Variants in SIDT1 observed in about 807,000 individuals in gnomAD.
SIDT1 encodes the protein SID1 transmembrane family member 1.
A neutral mutation model predicts 107.5 loss-of-function variants in SIDT1; 101 were observed. That is an observed-to-expected ratio of 0.94 (90% CI 0.80 to 1.11). SIDT1 has a LOEUF of 1.11. Ranked by LOEUF, SIDT1 falls within the 50% of genes least tolerant of loss-of-function variation. The probability of loss-of-function intolerance (pLI) is 0.00; values close to 1 mark genes in which losing one functional copy is unlikely to be tolerated. For synonymous variants in SIDT1, 395 were observed against 398.2 expected, an observed-to-expected ratio of 0.99 and a Z score of 0.10; for missense variants, 1,076 against 1,058.2, an observed-to-expected ratio of 1.02 and a Z score of -0.23.
chr3:113,608,459 T>G lies in SIDT1; in HGVS notation c.1643T>G (p.Met548Arg), dbSNP rs1945500148. Residue 548 changes from methionine to arginine, a missense_variant, in exon 17 of 25, where the codon ATG becomes AGG. Transcript: ENST00000264852. ...IPKHFGLFYA[M>R]GIALMMEGVL... Reference sequence around the variant, plus strand: ...AAACACTTTGGTCTCTTCTACGCTATGGGCATTGCATTGATGATGGAAGGG... The same window carrying G: ...AAACACTTTGGTCTCTTCTACGCTAGGGGCATTGCATTGATGATGGAAGGG... 1 of 1,614,150 alleles carries G rather than the reference T, an allele frequency of 6.2e-7. No homozygotes were observed. The highest frequency in any genetic ancestry group is 1.7e-5 in the Admixed American group (1 of 60,026).
chr3:113,578,735 GT>G (rs1452904676), intron 4 of SIDT1, among the ~76,000 whole-genome samples: 1 of 152,012 alleles, frequency 6.6e-6, no homozygotes, highest in Non-Finnish European at 1.5e-5. Flanking sequence ...TGCATCTGTA[GT>G]TTTGACTTCT....
chr3:113,578,229 G>A (rs1446153679), intron 4 of SIDT1, among the ~76,000 whole-genome samples: 4 of 152,202 alleles, frequency 2.6e-5, no homozygotes, highest in African/African-American at 9.7e-5. Context: ...ACTTTGGGAG[G>A]CTGAGGCGGG....
chr3:113,605,122 C>CTTTT, intron 14 of SIDT1, 146 bp downstream of exon 14: 3 of 306,986 alleles, frequency 9.8e-6, no homozygotes, highest in Non-Finnish European at 1.6e-5. Context: ...CTATTGCTTC[C>CTTTT]TCTTTTTTTT....
intron 5 of SIDT1, 125 bp downstream of exon 5, chr3:113,580,834 A>G (rs1943272470): frequency 3.0e-6 from 2 of 664,994 alleles, no homozygotes; most frequent in East Asian, 5.1e-5. Context: ...CTACTAAACA[A>G]TACGAACAGT....
intron 19 of SIDT1, among the ~76,000 whole-genome samples, chr3:113,613,605 A>G (rs1945904108): frequency 6.6e-6 from 1 of 152,248 alleles, no homozygotes; most frequent in African/African-American, 2.4e-5. Flanking sequence ...CCAGTTGTGT[A>G]GAACATTTGG....
intron 9 of SIDT1, among the ~76,000 whole-genome samples, chr3:113,590,684 A>G (rs1944082940): frequency 6.6e-6 from 1 of 152,248 alleles, no homozygotes; most frequent in South Asian, 2.1e-4. Context: ...CAATCCAAAA[A>G]TAAAATTAAG....
intron 1 of SIDT1, among the ~76,000 whole-genome samples, chr3:113,563,135 A>G (rs889082401): frequency 6.6e-5 from 10 of 152,214 alleles, no homozygotes; most frequent in African/African-American, 2.2e-4. Context: ...ACATGACAAG[A>G]CAGTGGATCT....
At chr3:113,609,364 C>G (rs2107714119) in intron 17 of SIDT1, among the ~76,000 whole-genome samples, 1 of 152,192 alleles carries the variant, frequency 6.6e-6, no homozygotes. Flanking sequence ...CCACACCCGG[C>G]CCCATGAGCC....
rs1441796551 is a variant in SIDT1 at position 113,603,082 on chromosome 3, T to C, written c.1195T>C (p.Ser399Pro). 5 of 1,613,926 alleles carry C rather than the reference T, an allele frequency of 3.1e-6. No homozygotes were observed. Among genetic ancestry groups the C allele is most frequent in the Non-Finnish European group, 4.2e-6 (5 of 1,179,986 alleles). ...ACCGGGCCAGTCAGACACAGACAGC[T>C]CCGTGGAGGAGAGCGACTTCGACAC... ...GPPGQSDTDS[S>P]VEESDFDTMP... The change falls in exon 12 of 25, where the codon TCC (serine) becomes CCC (proline). Residue 399 changes from serine to proline, a missense_variant. By Grantham distance (74) the Ser-to-Pro change is moderately conservative. Transcript: ENST00000264852.
chr3:113,556,212 G>T (rs1399404452), intron 1 of SIDT1, among the ~76,000 whole-genome samples: 2 of 152,192 alleles, frequency 1.3e-5, no homozygotes, highest in African/African-American at 4.8e-5. Context: ...ATGTACAGAA[G>T]ATAGTTTTAA....
At chr3:113,586,907 A>G (rs1444649954) in intron 9 of SIDT1, among the ~76,000 whole-genome samples, 1 of 152,250 alleles carries the variant, frequency 6.6e-6, no homozygotes, top group Admixed American at 6.5e-5. Flanking sequence ...AAGGAGACTA[A>G]AGATATGTTA....
At chr3:113,618,519 G>A (rs1423206041) in intron 20 of SIDT1, among the ~76,000 whole-genome samples, 2 of 152,210 alleles carry the variant, frequency 1.3e-5, no homozygotes, top group Non-Finnish European at 2.9e-5. Flanking sequence ...CCAAGTGGCT[G>A]TACCGTTTTG....
At chr3:113,582,790 A>T (rs1943460195) in intron 6 of SIDT1, among the ~76,000 whole-genome samples, 2 of 152,218 alleles carry the variant, frequency 1.3e-5, no homozygotes, top group Non-Finnish European at 2.9e-5. Context: ...AATAAAAAAA[A>T]TAAATAAATA....
chr3:113,619,121 G>A (rs961316176), intron 20 of SIDT1, among the ~76,000 whole-genome samples: 8 of 152,062 alleles, frequency 5.3e-5, no homozygotes, highest in South Asian at 2.1e-4. Context: ...CACCACACCC[G>A]GCCTATTGTC....
At chr3:113,599,236 C>G (rs974026351) in intron 10 of SIDT1, among the ~76,000 whole-genome samples, 2 of 152,160 alleles carry the variant, frequency 1.3e-5, no homozygotes, top group African/African-American at 2.4e-5. Context: ...TAAGAGCAAC[C>G]CAGGGGTTCC....
intron 8 of SIDT1, 81 bp from the exon 9 acceptor site, chr3:113,585,096 G>GCCCTTTAAGC (rs1560076851): frequency 3.2e-6 from 3 of 929,994 alleles, no homozygotes; most frequent in Admixed American, 2.0e-5. Context: ...GATGGAGGGG[G>GCCCTTTAAGC]CCCTTTAAGC....
intron 1 of SIDT1, among the ~76,000 whole-genome samples, chr3:113,559,431 AT>A (rs1179491182): frequency 9.5e-5 from 13 of 136,176 alleles, no homozygotes; most frequent in African/African-American, 3.7e-4. Flanking sequence ...CATTCTTTTT[AT>A]TTATTTTTTT....
chr3:113,533,337 A>T, intron 1 of SIDT1, 94 bp downstream of exon 1: 1 of 1,000,958 alleles, frequency 1.0e-6, no homozygotes, highest in Non-Finnish European at 1.4e-6. Context: ...TGACCTTGGG[A>T]GACTTCGGGG....
chr3:113,558,051 CAGAG>C (rs139693802), intron 1 of SIDT1, among the ~76,000 whole-genome samples: 1 of 144,184 alleles, frequency 6.9e-6, no homozygotes, highest in Non-Finnish European at 1.6e-5. Flanking sequence ...GACAGACAGA[CAGAG>C]AGAGAGGGGG....
Sources: allele counts gnomAD v4.1 joint callset (sites outside exome capture counted in the v4.1 genomes callset), GRCh38; gene constraint gnomAD v4.1.1; transcripts MANE v1.5; gene names NCBI Gene and HGNC (gene_info 2026-07-23, HGNC 2026-07-21).